TRPS1: variants seen among roughly 807,000 people sequenced by gnomAD.
The protein encoded by TRPS1 is zinc finger transcription factor Trps1.
TRPS1 carries 6 observed loss-of-function variants against 101.2 expected under a neutral mutation model. That is an observed-to-expected ratio of 0.06 (90% CI 0.03 to 0.12). TRPS1 has a LOEUF of 0.12. Among genes scored for constraint, TRPS1 ranks in the 10% least tolerant of loss-of-function variants. TRPS1 has a pLI of 1.00. For synonymous variants in TRPS1, 578 were observed against 589.8 expected, an observed-to-expected ratio of 0.98 and a Z score of 0.29; for missense variants, 1,363 against 1,567.0, an observed-to-expected ratio of 0.87 and a Z score of 2.20.
chr8:115,470,202 C>T (rs1394287722), intron 5 of TRPS1, among the ~76,000 whole-genome samples: 1 of 152,186 alleles, frequency 6.6e-6, no homozygotes, highest in Non-Finnish European at 1.5e-5. Flanking sequence ...TTCTATGAAT[C>T]AGAGGACTTC....
At chr8:115,658,541 C>T (rs1011332825) in intron 1 of TRPS1, among the ~76,000 whole-genome samples, 85 of 152,198 alleles carry the variant, frequency 5.6e-4, no homozygotes, top group African/African-American at 2.0e-3. Flanking sequence ...AGGAGGGAAA[C>T]CTGCTAATAC....
chr8:115,625,521 A>G (rs913520355), intron 1 of TRPS1, among the ~76,000 whole-genome samples: 1 of 151,760 alleles, frequency 6.6e-6, no homozygotes, highest in African/African-American at 2.4e-5. Context: ...CTTTGCCTCA[A>G]TTTCTCACTT....
At chr8:115,455,746 C>CT (rs1002805564) in intron 5 of TRPS1, among the ~76,000 whole-genome samples, 2 of 142,316 alleles carry the variant, frequency 1.4e-5, no homozygotes, top group African/African-American at 2.6e-5. Flanking sequence ...TGCCATATGG[C>CT]TTTTTTCTTT....
At chr8:115,608,130 A>G (rs1818081492) in intron 3 of TRPS1, among the ~76,000 whole-genome samples, 1 of 152,174 alleles carries the variant, frequency 6.6e-6, no homozygotes, top group Non-Finnish European at 1.5e-5. Context: ...CGGAGTAGGA[A>G]AATTTACTGC....
chr8:115,612,165 C>G (rs367622998), intron 3 of TRPS1, among the ~76,000 whole-genome samples: 1 of 128,716 alleles, frequency 7.8e-6, no homozygotes, highest in East Asian at 2.2e-4. Flanking sequence ...GAAAAAGAGG[C>G]CAAAGAGAGG....
At chr8:115,447,476 C>T (rs148755914) in intron 5 of TRPS1, among the ~76,000 whole-genome samples, 3 of 152,008 alleles carry the variant, frequency 2.0e-5, no homozygotes, top group African/African-American at 7.2e-5. Flanking sequence ...AGCTTTTGAG[C>T]AAAAGATATA....
intron 5 of TRPS1, among the ~76,000 whole-genome samples, chr8:115,509,956 AG>A (rs1223900851): frequency 6.6e-6 from 1 of 152,010 alleles, no homozygotes; most frequent in Non-Finnish European, 1.5e-5. Flanking sequence ...ATATTGCAGT[AG>A]GATTAACCTG....
intron 5 of TRPS1, among the ~76,000 whole-genome samples, chr8:115,467,359 G>A (rs559704516): frequency 6.6e-6 from 1 of 151,718 alleles, no homozygotes; most frequent in South Asian, 2.1e-4. Context: ...GGAACACTGT[G>A]TTGGAAAGAA....
At position 115,410,945 on chromosome 8, in the gene TRPS1, G is replaced by C. The variant is rs532589457; in HGVS notation, c.*3078C>G. ...TAGCTCGTTTAAAATCACAATTTAA[G>C]ATAAAATAATTCAGAAATCTTAAAT... On this transcript the variant is annotated 3_prime_UTR_variant, in exon 7 of 7. Transcript: ENST00000395715. 6.6e-6 allele frequency: 1 copy of C among 151,404 alleles called. No individual in the cohort carries two copies. Among genetic ancestry groups the C allele is most frequent in the Non-Finnish European group, 1.5e-5 (1 of 67,842 alleles). 9.4% of individuals were successfully genotyped at this position (151,404 alleles called of 1,614,324 possible).
chr8:115,546,451 T>C (rs907893981), intron 5 of TRPS1, among the ~76,000 whole-genome samples: 12 of 152,128 alleles, frequency 7.9e-5, no homozygotes, highest in Admixed American at 5.2e-4. Flanking sequence ...AGTGATAGCA[T>C]AATAATATTT....
chr8:115,441,649 C>T (rs936044052), intron 5 of TRPS1, among the ~76,000 whole-genome samples: 4 of 151,772 alleles, frequency 2.6e-5, no homozygotes, highest in Non-Finnish European at 5.9e-5. Context: ...AATATATTTG[C>T]CTCTACATAA....
At chr8:115,508,978 A>G (rs879426617) in intron 5 of TRPS1, among the ~76,000 whole-genome samples, 2 of 152,020 alleles carry the variant, frequency 1.3e-5, no homozygotes, top group Admixed American at 6.6e-5. Flanking sequence ...GTTTATGTTT[A>G]GGCAGCATTT....
chr8:115,417,556 A>T (rs1455007125), intron 6 of TRPS1, among the ~76,000 whole-genome samples: 1 of 152,048 alleles, frequency 6.6e-6, no homozygotes, highest in Non-Finnish European at 1.5e-5. Context: ...AACTTGCTAA[A>T]CTAAAAAAAA....
chr8:115,533,623 T>TA (rs1383821435), intron 5 of TRPS1, among the ~76,000 whole-genome samples: 5 of 152,126 alleles, frequency 3.3e-5, no homozygotes, highest in Admixed American at 1.3e-4. Flanking sequence ...GGTGCAAACT[T>TA]AAAAGTAATT....
intron 5 of TRPS1, among the ~76,000 whole-genome samples, chr8:115,500,335 T>C (rs1815285253): frequency 6.6e-6 from 1 of 151,778 alleles, no homozygotes; most frequent in Admixed American, 6.6e-5. Flanking sequence ...GCCTATTTCT[T>C]AAGTTACTTA....
intron 5 of TRPS1, among the ~76,000 whole-genome samples, chr8:115,513,588 T>C (rs1039365576): frequency 6.6e-6 from 1 of 151,662 alleles, no homozygotes; most frequent in African/African-American, 2.4e-5. Context: ...TATAGGTTTA[T>C]TGAAAACCAG....
At chr8:115,642,124 A>G (rs1419502989) in intron 1 of TRPS1, among the ~76,000 whole-genome samples, 1 of 151,914 alleles carries the variant, frequency 6.6e-6, no homozygotes, top group African/African-American at 2.4e-5. Context: ...TGAGGCTGGA[A>G]GAGCCCTTGC....
intron 1 of TRPS1, among the ~76,000 whole-genome samples, chr8:115,629,458 T>C (rs186117566): frequency 1.1e-4 from 17 of 151,962 alleles, no homozygotes; most frequent in Non-Finnish European, 2.9e-5. Flanking sequence ...TTCATAAACA[T>C]ACGTGGATAT....
chr8:115,544,743 T>C (rs1816531933), intron 5 of TRPS1, among the ~76,000 whole-genome samples: 1 of 152,176 alleles, frequency 6.6e-6, no homozygotes, highest in African/African-American at 2.4e-5. Context: ...CATTAATTTA[T>C]TAAATCATTC....
Sources: gnomAD v4.1 joint callset for allele counts (sites outside exome capture counted in the v4.1 genomes callset) on GRCh38, gnomAD v4.1.1 for gene constraint, MANE v1.5 for transcripts, NCBI Gene and HGNC (gene_info 2026-07-23, HGNC 2026-07-21) for gene names.